CUX1: variants seen among roughly 807,000 people sequenced by gnomAD.
The protein encoded by CUX1 is protein CASP.
Under a neutral mutation model 158.8 loss-of-function variants are expected in CUX1, and 31 were observed. The ratio of observed to expected loss-of-function variants is 0.20; its 90% CI spans 0.15 to 0.26. CUX1 has a LOEUF of 0.26. Among genes scored for constraint, CUX1 ranks in the 10% least tolerant of loss-of-function variants. The pLI, the probability that CUX1 is intolerant of heterozygous loss-of-function variation, is 1.00. For missense variants in CUX1, 1,589 were observed against 2,014.6 expected, an observed-to-expected ratio of 0.79 and a Z score of 4.04; for synonymous variants, 879 against 862.1, an observed-to-expected ratio of 1.02 and a Z score of -0.34.
chr7:102,225,735 G>A (rs1554528410), intron 20 of CUX1, among the ~76,000 whole-genome samples: 1 of 152,244 alleles, frequency 6.6e-6, no homozygotes, highest in Non-Finnish European at 1.5e-5. Context: ...CAAGTCTGCA[G>A]TCCCAGCTAC....
chr7:102,006,689 T>G (rs1455755367), intron 2 of CUX1, among the ~76,000 whole-genome samples: 1 of 152,212 alleles, frequency 6.6e-6, no homozygotes, highest in African/African-American at 2.4e-5. Flanking sequence ...GGCCCTAGAA[T>G]GAATTTTTCT....
At chr7:102,216,754 A>G in intron 20 of CUX1, among the ~76,000 whole-genome samples, 1 of 143,560 alleles carries the variant, frequency 7.0e-6, no homozygotes, top group Non-Finnish European at 1.5e-5. Flanking sequence ...ACTTCTGCAC[A>G]CACACACTCT....
At chr7:102,158,435 GGACAGCATTGA>G in intron 8 of CUX1, 114 bp from the exon 9 acceptor site, 2 of 821,284 alleles carry the variant, frequency 2.4e-6, no homozygotes, top group Non-Finnish European at 4.0e-6. Flanking sequence ...TCCTCCTGCT[GGACAGCATTGA>G]CTCACGGGTC....
rs781922611 is a variant in CUX1, at chr7:102,105,504, CT to C, written c.530+1070del. Among the ~76,000 whole-genome samples, 674 of 85,860 alleles carry C rather than the reference CT, an allele frequency of 7.8e-3. 3 individuals are homozygous for C. Among genetic ancestry groups the C allele is most frequent in the Admixed American group, 0.011 (67 of 6,008 alleles). The allele number at this position is 85,860 out of a possible 152,430, so 56.3% of individuals were successfully genotyped here. ...GCTTACGGATCCCAACCATATAGAT[CT>C]TTTTTTTTTTTTTTTTTTTTTTTTA... On this transcript the variant is annotated intron_variant, in intron 6 of 23. Transcript: ENST00000292535.
intron 2 of CUX1, among the ~76,000 whole-genome samples, chr7:101,932,845 G>T (rs1806440639): frequency 6.6e-6 from 1 of 152,184 alleles, no homozygotes; most frequent in African/African-American, 2.4e-5. Context: ...GATCAGGGTA[G>T]GTTCTAGGGC....
chr7:102,281,256 G>A (rs1394773683), intron 20 of CUX1, among the ~76,000 whole-genome samples: 1 of 152,134 alleles, frequency 6.6e-6, no homozygotes, highest in Non-Finnish European at 1.5e-5. Context: ...TGTAGTCCCA[G>A]CTACTCAGGA....
intron 20 of CUX1, among the ~76,000 whole-genome samples, chr7:102,225,825 CA>C (rs1191338796): frequency 6.6e-6 from 1 of 151,660 alleles, no homozygotes; most frequent in South Asian, 2.1e-4. Context: ...CCCATCTCCA[CA>C]AAAAAAAATT....
intron 4 of CUX1, among the ~76,000 whole-genome samples, chr7:102,096,030 G>A (rs1359976586): frequency 6.6e-6 from 1 of 152,246 alleles, no homozygotes; most frequent in Non-Finnish European, 1.5e-5. Context: ...TAAATTCCAG[G>A]TCTGTGACTT....
At chr7:102,166,561 G>A (rs555455093) in intron 9 of CUX1, among the ~76,000 whole-genome samples, 6 of 152,294 alleles carry the variant, frequency 3.9e-5, no homozygotes, top group Non-Finnish European at 8.8e-5. Flanking sequence ...CTCAAAACCA[G>A]TGTCACCACA....
intron 9 of CUX1, among the ~76,000 whole-genome samples, chr7:102,165,432 A>G (rs1554508477): frequency 3.8e-5 from 5 of 132,366 alleles, no homozygotes; most frequent in Non-Finnish European, 3.1e-5. Flanking sequence ...GACTCACTGC[A>G]CCCTCCCCCT....
intron 20 of CUX1, among the ~76,000 whole-genome samples, chr7:102,224,021 G>A (rs1798102134): frequency 6.6e-6 from 1 of 152,178 alleles, no homozygotes; most frequent in African/African-American, 2.4e-5. Flanking sequence ...TGAGCTCGTG[G>A]ATTCACGGTG....
chr7:102,105,214 C>G lies in CUX1; in HGVS notation c.530+755C>G, dbSNP rs75485506. Among the ~76,000 whole-genome samples, 261 of 149,804 alleles carry G rather than the reference C, an allele frequency of 1.7e-3. 8 individuals are homozygous for G. In the East Asian group the frequency reaches 0.04, roughly 23 times the overall value. ...ACACACACACACACACACACACACA[C>G]AGACTCTCTGATGTATTTAATATTA... On this transcript the variant is annotated intron_variant, in intron 6 of 23. Coordinates refer to ENST00000292535, the MANE Select transcript of CUX1 (RefSeq NM_181552.4).
intron 3 of CUX1, among the ~76,000 whole-genome samples, chr7:102,046,738 A>C (rs1252545815): frequency 2.0e-5 from 3 of 151,386 alleles, no homozygotes; most frequent in African/African-American, 7.3e-5. Flanking sequence ...CACTACACCC[A>C]GCTAATTTTT....
intron 8 of CUX1, among the ~76,000 whole-genome samples, chr7:102,144,761 C>A (rs1326856328): frequency 6.6e-6 from 1 of 151,314 alleles, no homozygotes; most frequent in East Asian, 1.9e-4. Flanking sequence ...TCTAGTTGCC[C>A]CCAAACTTCA....
At chr7:102,081,173 A>C (rs995351306) in intron 4 of CUX1, among the ~76,000 whole-genome samples, 14 of 152,186 alleles carry the variant, frequency 9.2e-5, no homozygotes, top group Admixed American at 6.5e-5. Context: ...GGAGTATGCC[A>C]GGACGTTATT....
intron 1 of CUX1, among the ~76,000 whole-genome samples, chr7:101,911,019 G>A (rs753025688): frequency 6.6e-6 from 1 of 152,260 alleles, no homozygotes; most frequent in Non-Finnish European, 1.5e-5. Flanking sequence ...AGGAAAACAG[G>A]ATTCCAGCTA....
In CUX1 at chr7:102,083,999, TCTCAGCCTCCCAAATAG is replaced by T. The variant is rs1248208966; in HGVS notation, c.269-13362_269-13346del. 3.4e-5 allele frequency among the ~76,000 whole-genome samples: 5 copies of T among 145,326 alleles called. 1 individual carries two copies. Among genetic ancestry groups the T allele is most frequent in the Non-Finnish European group, 7.7e-5 (5 of 64,544 alleles). ...CTCCCAGATTCAAGCAATTCTCCTG[TCTCAGCCTCCCAAATAG>T]CTGGGACTACAGGTGCCTGCCACCA... is the stretch of plus-strand genomic sequence containing the variant. On this transcript the variant is annotated intron_variant, in intron 4 of 23. Coordinates refer to ENST00000292535, the MANE Select transcript of CUX1 (RefSeq NM_181552.4).
intron 23 of CUX1, among the ~76,000 whole-genome samples, chr7:102,243,148 C>T (rs1800403551): frequency 6.6e-6 from 1 of 152,022 alleles, no homozygotes; most frequent in South Asian, 2.1e-4. Flanking sequence ...GTGGGGTGCG[C>T]CTGTAATCCC....
chr7:101,951,294 G>A (rs1357707451), intron 2 of CUX1, among the ~76,000 whole-genome samples: 4 of 151,088 alleles, frequency 2.6e-5, no homozygotes, highest in South Asian at 2.1e-4. Flanking sequence ...TCATGCCACC[G>A]CACTCCAGCC....
Sources: gnomAD v4.1 joint callset for allele counts (sites outside exome capture counted in the v4.1 genomes callset) on GRCh38, gnomAD v4.1.1 for gene constraint, MANE v1.5 for transcripts, NCBI Gene and HGNC (gene_info 2026-07-23, HGNC 2026-07-21) for gene names.